The following RPS6KC1 variants were observed in gnomAD, a reference collection of about 807,000 sequenced individuals.
The protein encoded by RPS6KC1 is inactive ribosomal protein S6 kinase delta-1.
In RPS6KC1, 54 loss-of-function variants were observed where a neutral mutation model predicts 103.8. That is an observed-to-expected ratio of 0.52 (90% CI 0.42 to 0.65). The LOEUF (loss-of-function observed/expected upper bound fraction) is 0.65, where lower values mean the gene tolerates loss of function less well. Among genes scored for constraint, RPS6KC1 ranks in the 30% least tolerant of loss-of-function variants. The pLI is 0.00. For synonymous variants in RPS6KC1, 439 were observed against 438.7 expected (o/e 1.00, Z -0.01); for missense variants, 1,151 against 1,253.8 (o/e 0.92, Z 1.24).
chr1:213,216,383 G>C (rs1377625583), intron 8 of RPS6KC1, among the ~76,000 whole-genome samples: 2 of 152,056 alleles, frequency 1.3e-5, no homozygotes, highest in Admixed American at 6.6e-5. Context: ...AGTCCTTCGA[G>C]ACCTACAAAG....
chr1:213,543,889 C>G, the RPS6KC1 span, among the ~76,000 whole-genome samples: 3 of 152,260 alleles, frequency 2.0e-5, no homozygotes, highest in African/African-American at 7.2e-5. Context: ...ACACACTTTA[C>G]AAAAGATCTA....
chr1:213,241,524 G>C lies in RPS6KC1; in HGVS notation c.2048G>C (p.Gly683Ala), dbSNP rs771648518. ...GATGCTGCTTTTGATGATGTCAGTG[G>C]TACTGATGAAGGAAGACCTGATCTT... ...FKDAAFDDVS[G>A]TDEGRPDLLV... is the part of the protein sequence containing the mutation. Residue 683 changes from glycine to alanine, a missense_variant, in exon 11 of 15, where the codon GGT (glycine) becomes GCT (alanine). Physicochemically the swap from Gly to Ala is moderately conservative, Grantham distance 60. Around this residue, in one of 3 missense-constraint regions of RPS6KC1, gnomAD observed 959 missense variants for 1,006.3 expected, o/e 0.95. Coordinates refer to ENST00000366960, the MANE Select transcript of RPS6KC1 (RefSeq NM_012424.6). 6 of 1,613,848 alleles carry C rather than the reference G, an allele frequency of 3.7e-6. No individual in the cohort carries two copies. In the Admixed American group the frequency reaches 6.7e-5, roughly 18 times the overall value.
chr1:213,222,559 G>A (rs1285128534), intron 8 of RPS6KC1, among the ~76,000 whole-genome samples: 3 of 152,136 alleles, frequency 2.0e-5, no homozygotes, highest in Non-Finnish European at 2.9e-5. Flanking sequence ...GCTGGGCAAT[G>A]GTACAGGGAA....
At chr1:213,714,390 C>T in the RPS6KC1 span, among the ~76,000 whole-genome samples, 3 of 152,170 alleles carry the variant, frequency 2.0e-5, no homozygotes, top group African/African-American at 7.2e-5. Context: ...ATTTTCATAC[C>T]AGTAGATTAT....
intron 6 of RPS6KC1, among the ~76,000 whole-genome samples, chr1:213,143,671 T>C (rs181675861): frequency 4.5e-4 from 68 of 152,164 alleles, no homozygotes; most frequent in African/African-American, 1.6e-3. Flanking sequence ...TTTGTTTTCG[T>C]TTTTAAATCT....
At chr1:213,842,827 AG>A in the RPS6KC1 span, among the ~76,000 whole-genome samples, 11 of 152,226 alleles carry the variant, frequency 7.2e-5, no homozygotes, top group African/African-American at 2.7e-4. Flanking sequence ...GTTCTGTTTT[AG>A]GGGCCAAGTG....
chr1:213,656,875 G>A, the RPS6KC1 span, among the ~76,000 whole-genome samples: 1 of 152,210 alleles, frequency 6.6e-6, no homozygotes, highest in Non-Finnish European at 1.5e-5. Context: ...TTTCTGGGAA[G>A]AGAGCAGTAC....
chr1:213,828,069 T>G, the RPS6KC1 span, among the ~76,000 whole-genome samples: 2 of 151,968 alleles, frequency 1.3e-5, no homozygotes, highest in Non-Finnish European at 2.9e-5. Context: ...GGAAATTCCT[T>G]TTTGTCAGAA....
At chr1:213,777,119 G>A in the RPS6KC1 span, among the ~76,000 whole-genome samples, 1 of 152,068 alleles carries the variant, frequency 6.6e-6, no homozygotes, top group Admixed American at 6.6e-5. Flanking sequence ...GGGCTGTTTT[G>A]CTTTCTTATC....
chr1:213,132,205 A>G (rs1397601756), intron 6 of RPS6KC1, among the ~76,000 whole-genome samples: 4 of 152,192 alleles, frequency 2.6e-5, no homozygotes, highest in Non-Finnish European at 5.9e-5. Flanking sequence ...CCATTTAACC[A>G]TGTATCTCCT....
At chr1:213,815,787 C>G in the RPS6KC1 span, among the ~76,000 whole-genome samples, 24 of 152,340 alleles carry the variant, frequency 1.6e-4, no homozygotes, top group African/African-American at 5.8e-4. Context: ...TAATTTCCTT[C>G]AAGAACTTTT....
the RPS6KC1 span, among the ~76,000 whole-genome samples, chr1:213,583,820 C>CAAAA: frequency 1.3e-5 from 1 of 76,648 alleles, no homozygotes; most frequent in Non-Finnish European, 2.6e-5. Context: ...GATTCTGTCT[C>CAAAA]AAAAAAAAAA....
intron 12 of RPS6KC1, among the ~76,000 whole-genome samples, chr1:213,255,215 A>T (rs920340344): frequency 1.3e-5 from 2 of 151,758 alleles, no homozygotes; most frequent in Non-Finnish European, 2.9e-5. Context: ...GGTCCCAGCT[A>T]CTTAGGAGGC....
chr1:213,860,001 A>G, the RPS6KC1 span, among the ~76,000 whole-genome samples: 1 of 151,966 alleles, frequency 6.6e-6, no homozygotes, highest in South Asian at 2.1e-4. Context: ...ATTATAGTCT[A>G]AGTTTTTTTG....
Position 213,129,585 on chromosome 1 carries a change from G to C in RPS6KC1, c.531G>C (p.Glu177Asp), listed in dbSNP as rs1320934669. 2 of 1,613,898 alleles carry C rather than the reference G, an allele frequency of 1.2e-6. No homozygotes were observed. The highest frequency in any genetic ancestry group is 2.2e-5 in the South Asian group (2 of 91,048). Residue 177 changes from glutamate to aspartate, a missense_variant, in exon 6 of 15, where the codon GAG becomes GAC. Physicochemically the swap from Glu to Asp is conservative, Grantham distance 45. Around this residue, in one of 3 missense-constraint regions of RPS6KC1, gnomAD observed 959 missense variants for 1,006.3 expected, o/e 0.95. Coordinates refer to ENST00000366960, the MANE Select transcript of RPS6KC1 (RefSeq NM_012424.6). ...SLTVDVDSLA[E>D]LDDGMASNQN... The stretch of plus-strand genomic sequence containing the variant: ...CTGTTGATGTGGATTCTCTTGCTGA[G>C]TTAGATGATGGAATGGCTTCCAATC...
the RPS6KC1 span, among the ~76,000 whole-genome samples, chr1:213,752,074 G>A: frequency 6.6e-6 from 1 of 152,100 alleles, no homozygotes; most frequent in East Asian, 1.9e-4. Context: ...AATATTATAA[G>A]TAAAAAGCTT....
chr1:213,263,272 A>G (rs1185415213), intron 14 of RPS6KC1, among the ~76,000 whole-genome samples: 1 of 152,190 alleles, frequency 6.6e-6, no homozygotes, highest in Admixed American at 6.5e-5. Flanking sequence ...TAGATACTTC[A>G]TCATTGGTGG....
intron 4 of RPS6KC1, among the ~76,000 whole-genome samples, chr1:213,115,798 A>G (rs1422302594): frequency 6.6e-6 from 1 of 152,134 alleles, no homozygotes; most frequent in Non-Finnish European, 1.5e-5. Context: ...TTCTGCCTTC[A>G]TTTTGTTATG....
At chr1:213,089,410 T>G (rs1362767179) in intron 3 of RPS6KC1, among the ~76,000 whole-genome samples, 1 of 152,172 alleles carries the variant, frequency 6.6e-6, no homozygotes, top group Non-Finnish European at 1.5e-5. Flanking sequence ...AAGATGTATG[T>G]GTGTGCCCTT....
Sources: allele counts gnomAD v4.1 joint callset (sites outside exome capture counted in the v4.1 genomes callset), GRCh38; gene constraint gnomAD v4.1.1; regional missense constraint gnomAD v4.1.1; transcripts MANE v1.5; gene names NCBI Gene and HGNC (gene_info 2026-07-23, HGNC 2026-07-21).